Variants in SIPA1L1 observed in about 807,000 individuals in gnomAD.
The protein encoded by SIPA1L1 is signal-induced proliferation-associated 1-like protein 1.
A neutral mutation model predicts 162.7 loss-of-function variants in SIPA1L1; 26 were observed. That is an observed-to-expected ratio of 0.16 (90% confidence interval 0.12 to 0.22). The LOEUF is 0.22. SIPA1L1 is among the 10% of genes least tolerant of loss of function. The pLI, the probability that SIPA1L1 is intolerant of heterozygous loss-of-function variation, is 1.00. For synonymous variants in SIPA1L1, 829 were observed against 837.4 expected, an observed-to-expected ratio of 0.99 and a Z score of 0.17; for missense variants, 1,874 against 2,241.0, an observed-to-expected ratio of 0.84 and a Z score of 3.31.
At chr14:71,589,434 A>T (rs181441389) in intron 5 of SIPA1L1, 64 bp downstream of exon 5, 5 of 919,952 alleles carry the variant, frequency 5.4e-6, no homozygotes, top group Non-Finnish European at 8.2e-6. Flanking sequence ...AAAGTACTGT[A>T]TATTAAGATA....
At chr14:71,393,829 T>A (rs552453399) in intron 2 of SIPA1L1, among the ~76,000 whole-genome samples, 1 of 152,236 alleles carries the variant, frequency 6.6e-6, no homozygotes, top group Non-Finnish European at 1.5e-5. Context: ...TCTAAAAAAA[T>A]AAGAAATAAT....
At chr14:71,444,820 C>A (rs1033470428) in intron 2 of SIPA1L1, among the ~76,000 whole-genome samples, 22 of 152,134 alleles carry the variant, frequency 1.4e-4, no homozygotes, top group Non-Finnish European at 1.0e-4. Context: ...GAAGGAGTCA[C>A]AAAGGATACT....
intron 2 of SIPA1L1, among the ~76,000 whole-genome samples, chr14:71,508,323 G>C (rs778679033): frequency 5.3e-5 from 8 of 152,016 alleles, no homozygotes; most frequent in Non-Finnish European, 1.0e-4. Context: ...CTTTAAGTTT[G>C]GTATGTTACT....
intron 12 of SIPA1L1, among the ~76,000 whole-genome samples, chr14:71,680,255 A>AC (rs1381859072): frequency 6.6e-6 from 1 of 152,208 alleles, no homozygotes; most frequent in Non-Finnish European, 1.5e-5. Context: ...TCAAACTAGA[A>AC]CTCAGGATTA....
rs879037753 is a variant in SIPA1L1, at chr14:71,671,176, G to C, written c.2313G>C (p.Gly771=). ...VPSFGPPIPK[G]VTFPKSNVFR... is the part of the protein sequence containing the mutation. ...CCTTTGGGCCTCCCATTCCTAAAGG[G>C]GTCACTTTCCCTAAGTCAAATGTGT... is the stretch of plus-strand genomic sequence containing the variant. The change falls in exon 11 of 24, where the codon GGG becomes GGC. Residue 771 remains glycine, a synonymous_variant. Transcript: ENST00000381232. 6.2e-7 allele frequency: 1 copy of C among 1,613,950 alleles called. No homozygotes were observed. The highest frequency in any genetic ancestry group is 8.5e-7 in the Non-Finnish European group (1 of 1,179,892).
chr14:71,568,201 C>G (rs763860748), intron 4 of SIPA1L1, among the ~76,000 whole-genome samples: 1 of 152,154 alleles, frequency 6.6e-6, no homozygotes, highest in African/African-American at 2.4e-5. Context: ...TACCCAGCCT[C>G]TATACAAGAT....
intron 2 of SIPA1L1, among the ~76,000 whole-genome samples, chr14:71,391,295 TG>T (rs1415492524): frequency 6.6e-6 from 1 of 151,884 alleles, no homozygotes; most frequent in East Asian, 1.9e-4. Flanking sequence ...TTAGTAGAGA[TG>T]GGGTTTCACC....
At chr14:71,433,008 A>C (rs1168165635) in intron 2 of SIPA1L1, among the ~76,000 whole-genome samples, 1 of 152,130 alleles carries the variant, frequency 6.6e-6, no homozygotes, top group Non-Finnish European at 1.5e-5. Flanking sequence ...TTAGAGTGTG[A>C]ATGGAAAGGG....
intron 4 of SIPA1L1, among the ~76,000 whole-genome samples, chr14:71,541,656 C>G (rs965011913): frequency 1.3e-5 from 2 of 152,070 alleles, no homozygotes; most frequent in Non-Finnish European, 2.9e-5. Flanking sequence ...ACCTGTAGTC[C>G]TAGCTGCTTG....
intron 2 of SIPA1L1, among the ~76,000 whole-genome samples, chr14:71,493,453 T>C (rs1174721358): frequency 6.6e-6 from 1 of 152,208 alleles, no homozygotes; most frequent in Non-Finnish European, 1.5e-5. Context: ...GCTATGTTTG[T>C]GAACAATACA....
chr14:71,384,140 GTGT>G (rs2040133099), intron 2 of SIPA1L1, among the ~76,000 whole-genome samples: 1 of 152,150 alleles, frequency 6.6e-6, no homozygotes, highest in Non-Finnish European at 1.5e-5. Context: ...CATGTCCCTG[GTGT>G]TAGGCACAGC....
chr14:71,398,726 A>T (rs1164277971), intron 2 of SIPA1L1, among the ~76,000 whole-genome samples: 2 of 152,220 alleles, frequency 1.3e-5, no homozygotes, highest in Non-Finnish European at 2.9e-5. Flanking sequence ...GATGACAGAC[A>T]CCAGATAGAT....
At chr14:71,543,506 G>A (rs139882037) in intron 4 of SIPA1L1, among the ~76,000 whole-genome samples, 3 of 152,238 alleles carry the variant, frequency 2.0e-5, no homozygotes, top group Non-Finnish European at 4.4e-5. Context: ...AGTTGCACCA[G>A]CAATTCATGA....
At chr14:71,560,076 G>A (rs988945999) in intron 4 of SIPA1L1, among the ~76,000 whole-genome samples, 1 of 152,054 alleles carries the variant, frequency 6.6e-6, no homozygotes, top group Admixed American at 6.6e-5. Flanking sequence ...GTGTTCATTC[G>A]TTTCTTCATT....
intron 2 of SIPA1L1, among the ~76,000 whole-genome samples, chr14:71,443,620 T>C (rs1306330212): frequency 6.6e-6 from 1 of 152,182 alleles, no homozygotes; most frequent in Admixed American, 6.5e-5. Context: ...CCTAATAATC[T>C]CTGCCTTGAT....
At chr14:71,391,202 G>A (rs539856738) in intron 2 of SIPA1L1, among the ~76,000 whole-genome samples, 19 of 150,220 alleles carry the variant, frequency 1.3e-4, no homozygotes, top group African/African-American at 4.7e-4. Flanking sequence ...TGCCTCCCAG[G>A]TTCATGCCAT....
chr14:71,733,457 T>C (rs2084987767), intron 20 of SIPA1L1, among the ~76,000 whole-genome samples: 1 of 152,148 alleles, frequency 6.6e-6, no homozygotes, highest in Admixed American at 6.5e-5. Context: ...AGGGAGATGA[T>C]GGGAGGTTGT....
chr14:71,408,981 T>G (rs543529614), intron 2 of SIPA1L1, among the ~76,000 whole-genome samples: 1 of 152,300 alleles, frequency 6.6e-6, no homozygotes, highest in African/African-American at 2.4e-5. Flanking sequence ...TCAGATCTTG[T>G]ATGTCGAGGA....
intron 6 of SIPA1L1, among the ~76,000 whole-genome samples, chr14:71,622,620 A>G (rs1157454428): frequency 6.6e-6 from 1 of 152,196 alleles, no homozygotes; most frequent in Non-Finnish European, 1.5e-5. Context: ...AATAAAAACT[A>G]TTTGTGTCAA....
Sources: allele counts gnomAD v4.1 joint callset (sites outside exome capture counted in the v4.1 genomes callset), GRCh38; gene constraint gnomAD v4.1.1; transcripts MANE v1.5; gene names NCBI Gene and HGNC (gene_info 2026-07-23, HGNC 2026-07-21).